Variants in PTPRR observed in about 807,000 individuals in gnomAD.
PTPRR encodes receptor-type tyrosine-protein phosphatase R.
PTPRR carries 38 observed loss-of-function variants against 77.2 expected under a neutral mutation model. That is an observed-to-expected ratio of 0.49 (90% CI 0.38 to 0.65). PTPRR has a LOEUF of 0.65. Ranked by LOEUF, PTPRR falls within the 30% of genes least tolerant of loss-of-function variation. The pLI is 0.00. For synonymous variants in PTPRR, 299 were observed against 283.1 expected, an observed-to-expected ratio of 1.06 and a Z score of -0.57; for missense variants, 744 against 799.2, an observed-to-expected ratio of 0.93 and a Z score of 0.83.
intron 6 of PTPRR, among the ~76,000 whole-genome samples, chr12:70,733,481 A>AAAAAAAAAAAAAAAAAAAAAAAATTAAC (rs1565672469): frequency 1.2e-5 from 1 of 80,836 alleles, no homozygotes; most frequent in Non-Finnish European, 2.3e-5. Flanking sequence ...AAAAAAAAAA[A>AAAAAAAAAAAAAAAAAAAAAAAATTAAC]GAAAAAAAAA....
At chr12:70,919,510 GT>G (rs1893821388) in intron 1 of PTPRR, among the ~76,000 whole-genome samples, 1 of 151,994 alleles carries the variant, frequency 6.6e-6, no homozygotes, top group Non-Finnish European at 1.5e-5. Flanking sequence ...TATCTCTCAG[GT>G]ACTTCCCAAG....
chr12:70,794,276 A>C (rs1891471674), intron 2 of PTPRR, among the ~76,000 whole-genome samples: 1 of 152,230 alleles, frequency 6.6e-6, no homozygotes, highest in Admixed American at 6.5e-5. Flanking sequence ...CCATTGCTAG[A>C]AATAATGGTG....
At chr12:70,676,545 C>A (rs1458807475) in intron 10 of PTPRR, among the ~76,000 whole-genome samples, 5 of 151,814 alleles carry the variant, frequency 3.3e-5, no homozygotes, top group African/African-American at 1.2e-4. Context: ...TGATTGTAGG[C>A]TTATGTTTGC....
At chr12:70,672,640 G>T in intron 10 of PTPRR, 1 of 1,529,136 alleles carries the variant, frequency 6.5e-7, no homozygotes, top group Non-Finnish European at 8.9e-7. Context: ...AGTGAATGGG[G>T]AAGTGGTCCA....
intron 13 of PTPRR, among the ~76,000 whole-genome samples, chr12:70,642,952 C>G (rs549375123): frequency 2.0e-5 from 3 of 152,166 alleles, no homozygotes; most frequent in Non-Finnish European, 4.4e-5. Context: ...GGGAGGATCA[C>G]TTGAGCCCAG....
At chr12:70,680,728 G>A (rs888878111) in intron 10 of PTPRR, among the ~76,000 whole-genome samples, 7 of 152,144 alleles carry the variant, frequency 4.6e-5, no homozygotes, top group Non-Finnish European at 8.8e-5. Flanking sequence ...CAAGCATGGG[G>A]CTTGGCTTGC....
At chr12:70,871,982 T>A (rs1214399013) in intron 2 of PTPRR, among the ~76,000 whole-genome samples, 1 of 152,200 alleles carries the variant, frequency 6.6e-6, no homozygotes, top group Non-Finnish European at 1.5e-5. Flanking sequence ...AGAGTGGCTC[T>A]CTTGAGCCTG....
chr12:70,767,797 G>C (rs1420432125), intron 2 of PTPRR, among the ~76,000 whole-genome samples: 1 of 152,120 alleles, frequency 6.6e-6, no homozygotes, highest in Non-Finnish European at 1.5e-5. Context: ...TAAAAGAACA[G>C]AAATTGTAAC....
chr12:70,762,530 G>A (rs927357089), intron 3 of PTPRR, among the ~76,000 whole-genome samples: 1 of 152,176 alleles, frequency 6.6e-6, no homozygotes, highest in Non-Finnish European at 1.5e-5. Context: ...CATGTTTGCA[G>A]AGAACAACAG....
chr12:70,819,133 C>T (rs1031495637), intron 2 of PTPRR, among the ~76,000 whole-genome samples: 9 of 152,034 alleles, frequency 5.9e-5, no homozygotes, highest in African/African-American at 9.7e-5. Flanking sequence ...CCAGACTAGT[C>T]GACATGGTGA....
At chr12:70,916,322 T>A (rs968092108) in intron 1 of PTPRR, among the ~76,000 whole-genome samples, 1 of 151,988 alleles carries the variant, frequency 6.6e-6, no homozygotes, top group African/African-American at 2.4e-5. Flanking sequence ...AGGATAAATA[T>A]GGCTGGAGAG....
rs556910048 is a variant in PTPRR, at chr12:70,800,101, G to A, written c.358-35323C>T. ...GCACTTGAGACTGTAATGAATGTGG[G>A]CACATACATTAGTTTGGCTATTTCG... On this transcript the variant is annotated intron_variant, in intron 2 of 13. Coordinates refer to ENST00000283228, the MANE Select transcript of PTPRR (RefSeq NM_002849.4). Among the ~76,000 whole-genome samples, 11 of 152,182 alleles carry A rather than the reference G, an allele frequency of 7.2e-5. No homozygotes were observed. The East Asian group carries it at 1.4e-3, about 19-fold the overall frequency.
At chr12:70,684,072 C>G (rs1439972767) in intron 10 of PTPRR, 55 bp downstream of exon 10, 27 of 1,557,644 alleles carry the variant, frequency 1.7e-5, no homozygotes, top group Non-Finnish European at 2.3e-5. Flanking sequence ...AACACAGTAT[C>G]TCTTCTATAG....
At chr12:70,751,723 A>C (rs1362528207) in intron 5 of PTPRR, among the ~76,000 whole-genome samples, 1 of 152,136 alleles carries the variant, frequency 6.6e-6, no homozygotes, top group Admixed American at 6.6e-5. Context: ...GGTTTACAGA[A>C]AAACTGAGCA....
chr12:70,794,944 G>A (rs1206008613), intron 2 of PTPRR, among the ~76,000 whole-genome samples: 1 of 150,728 alleles, frequency 6.6e-6, no homozygotes, highest in East Asian at 1.9e-4. Context: ...ATGACAGCAA[G>A]TGGATGTCTT....
At chr12:70,658,804 A>T (rs1886676154) in intron 12 of PTPRR, among the ~76,000 whole-genome samples, 2 of 150,974 alleles carry the variant, frequency 1.3e-5, no homozygotes, top group African/African-American at 2.4e-5. Flanking sequence ...TACATACTCA[A>T]ATGTGTCCAA....
At chr12:70,804,506 A>T (rs1011435325) in intron 2 of PTPRR, among the ~76,000 whole-genome samples, 1 of 152,100 alleles carries the variant, frequency 6.6e-6, no homozygotes, top group Non-Finnish European at 1.5e-5. Context: ...CTGCAGCTGC[A>T]GTAAGCCATG....
chr12:70,689,119 G>T (rs1887972033), intron 8 of PTPRR, among the ~76,000 whole-genome samples: 3 of 151,970 alleles, frequency 2.0e-5, no homozygotes, highest in African/African-American at 7.3e-5. Flanking sequence ...ATAGACCATG[G>T]TGACTATTGT....
At chr12:70,672,735 T>A in intron 10 of PTPRR, 3 of 1,548,456 alleles carry the variant, frequency 1.9e-6, no homozygotes, top group Non-Finnish European at 2.6e-6. Flanking sequence ...ACCCAGGGGA[T>A]GTCATCCTGA....
Sources: gnomAD v4.1 joint callset for allele counts (sites outside exome capture counted in the v4.1 genomes callset) on GRCh38, gnomAD v4.1.1 for gene constraint, MANE v1.5 for transcripts, NCBI Gene and HGNC (gene_info 2026-07-23, HGNC 2026-07-21) for gene names.